Variants in ATP5PF observed in about 807,000 individuals in gnomAD.
ATP5PF encodes ATP synthase peripheral stalk subunit F6, mitochondrial.
A neutral mutation model predicts 12.0 loss-of-function variants in ATP5PF; 7 were observed. The observed-to-expected ratio is 0.58, with a 90% CI of 0.33 to 1.10. The LOEUF is 1.10. Among genes scored for constraint, ATP5PF ranks in the 50% least tolerant of loss-of-function variants. The pLI, the probability that ATP5PF is intolerant of heterozygous loss-of-function variation, is 0.03. For missense variants in ATP5PF, 120 were observed against 127.7 expected (o/e 0.94, Z 0.29); for synonymous variants, 41 against 45.4 (o/e 0.90, Z 0.39).
intron 2 of ATP5PF, among the ~76,000 whole-genome samples, chr21:25,727,963 A>T (rs1455306373): frequency 6.6e-6 from 1 of 152,106 alleles, no homozygotes; most frequent in East Asian, 1.9e-4. Context: ...TCTCCTCCTC[A>T]GTTTTGGCAA....
chr21:25,733,053 C>T (rs2034841979), intron 1 of ATP5PF, among the ~76,000 whole-genome samples: 1 of 149,814 alleles, frequency 6.7e-6, no homozygotes, highest in African/African-American at 2.5e-5. Context: ...TATGCTTCAC[C>T]TGACAGAATG....
At chr21:25,735,140 T>C, upstream of ATP5PF, 1 of 672,492 alleles carries the variant, frequency 1.5e-6, no homozygotes. Flanking sequence ...CCGTTCTTTT[T>C]CCCCTCCTTG....
intron 2 of ATP5PF, 24 bp downstream of exon 2, chr21:25,729,607 C>T (rs1345878464): frequency 6.4e-7 from 1 of 1,569,960 alleles, no homozygotes; most frequent in South Asian, 1.2e-5. Context: ...TTTATATTTA[C>T]ACTGTAGTTA....
chr21:25,731,587 C>T (rs538509878), intron 1 of ATP5PF, among the ~76,000 whole-genome samples: 1 of 148,948 alleles, frequency 6.7e-6, no homozygotes, highest in Non-Finnish European at 1.5e-5. Context: ...GAGACGAGGT[C>T]TTGCCATATT....
At chr21:25,735,018 C>A (rs546547593), upstream of ATP5PF, 4 of 1,520,884 alleles carry the variant, frequency 2.6e-6, no homozygotes, top group East Asian at 4.9e-5. Context: ...AGACAGTCTG[C>A]GACCGGACGG....
chr21:25,728,939 T>TA (rs2034685841), intron 2 of ATP5PF, among the ~76,000 whole-genome samples: 1 of 152,226 alleles, frequency 6.6e-6, no homozygotes, highest in African/African-American at 2.4e-5. Flanking sequence ...TTACACACAG[T>TA]AGACAACTAT....
chr21:25,726,715 TG>T (rs1400189963), intron 2 of ATP5PF, among the ~76,000 whole-genome samples: 1 of 152,218 alleles, frequency 6.6e-6, no homozygotes, highest in Non-Finnish European at 1.5e-5. Flanking sequence ...CAGGGCCAAC[TG>T]GGTCTCATTA....
At chr21:25,726,424 T>C (rs543847588) in intron 2 of ATP5PF, among the ~76,000 whole-genome samples, 22 of 152,224 alleles carry the variant, frequency 1.4e-4, no homozygotes, top group Non-Finnish European at 2.6e-4. Flanking sequence ...TCAGGGAAAA[T>C]TTCATTTTAA....
chr21:25,733,526 C>CA (rs1408831370), intron 1 of ATP5PF, among the ~76,000 whole-genome samples: 19 of 144,592 alleles, frequency 1.3e-4, no homozygotes, highest in Admixed American at 1.0e-3. Flanking sequence ...GACTCTGTCT[C>CA]AAAAAAAAAG....
chr21:25,734,277 T>C (rs1029696427), intron 1 of ATP5PF: 2 of 966,778 alleles, frequency 2.1e-6, no homozygotes, highest in African/African-American at 1.8e-5. Context: ...AACACTAGTC[T>C]GAGCAGAGGC....
At position 25,729,618 on chromosome 21, in the gene ATP5PF, T is replaced by C. The variant is rs746595654; in HGVS notation, c.164+13A>G. On this transcript the variant is annotated intron_variant, in intron 2 of 3. Coordinates refer to ENST00000284971, the MANE Select transcript of ATP5PF (RefSeq NM_001003703.2). ...AATATTTATATTTACACTGTAGTTA[T>C]TTATTCACTTACTGTCGCTTAGATT... The C allele has an allele frequency of 1.3e-6, 2 of 1,592,476 alleles. No individual in the cohort carries two copies. Among genetic ancestry groups the C allele is most frequent in the South Asian group, 1.1e-5 (1 of 88,620 alleles).
At position 25,726,783 on chromosome 21, in the gene ATP5PF, G is replaced by A. The variant is rs189069911; in HGVS notation, c.165-1433C>T. 1.1e-4 allele frequency among the ~76,000 whole-genome samples: 16 copies of A among 152,274 alleles called. No homozygotes were observed. The East Asian group carries it at 2.9e-3, about 28-fold the overall frequency. ...TAAATACTACTGCCTACCTAGCAAT[G>A]AACAATATTCTAAATGTAAAAAAAT... On this transcript the variant is annotated intron_variant, in intron 2 of 3. Transcript: ENST00000284971.
At position 25,732,985 on chromosome 21, in the gene ATP5PF, CAA is replaced by C. The variant is rs370858284; in HGVS notation, c.-8+1866_-8+1867del. On this transcript the variant is annotated intron_variant, in intron 1 of 3. Transcript: ENST00000284971. ...GGGCAACAAGAGTGAAACTCTGTCT[CAA>C]AAAAAAAAAAAAAAAAAAAAAAAAA... 9.6e-3 allele frequency among the ~76,000 whole-genome samples: 459 copies of C among 47,732 alleles called. 1 individual carries two copies. Among genetic ancestry groups the C allele is most frequent in the African/African-American group, 0.037 (439 of 11,900 alleles). 31.3% of individuals were successfully genotyped at this position (47,732 alleles called of 152,430 possible).
chr21:25,735,652 A>T (rs1328627733), upstream of ATP5PF: 1 of 151,418 alleles, frequency 6.6e-6, no homozygotes, highest in Non-Finnish European at 1.5e-5. Context: ...CTTTTCCCCC[A>T]CAAGGGCCCC....
At chr21:25,735,206 C>G (rs71649642), upstream of ATP5PF, 251 of 593,458 alleles carry the variant, frequency 4.2e-4, 1 homozygote, top group African/African-American at 4.2e-3. Context: ...AGTTCAAGCT[C>G]CCCTCCGAGT....
intron 1 of ATP5PF, 84 bp downstream of exon 1, chr21:25,734,769 G>A: frequency 3.0e-6 from 4 of 1,355,242 alleles, no homozygotes; most frequent in Non-Finnish European, 3.0e-6. Flanking sequence ...TCCTAGTAAA[G>A]GTGAGAGGCA....
intron 2 of ATP5PF, among the ~76,000 whole-genome samples, chr21:25,727,554 T>C (rs1349193245): frequency 2.0e-5 from 3 of 152,196 alleles, no homozygotes; most frequent in Admixed American, 6.5e-5. Flanking sequence ...TAGAGCTAAT[T>C]AGTGGCAGTG....
intron 2 of ATP5PF, among the ~76,000 whole-genome samples, 193 bp downstream of exon 2, chr21:25,729,438 T>C (rs916371745): frequency 1.3e-5 from 2 of 152,218 alleles, no homozygotes; most frequent in Non-Finnish European, 2.9e-5. Context: ...GTAACTCATA[T>C]AAAGATACAG....
At chr21:25,730,255 G>C (rs188311737) in intron 1 of ATP5PF, among the ~76,000 whole-genome samples, 91 of 152,262 alleles carry the variant, frequency 6.0e-4, no homozygotes, top group Non-Finnish European at 1.2e-3. Flanking sequence ...AAACTGCTCT[G>C]CCTGTTACAA....
Sources: gnomAD v4.1 joint callset for allele counts (sites outside exome capture counted in the v4.1 genomes callset) on GRCh38, gnomAD v4.1.1 for gene constraint, MANE v1.5 for transcripts, NCBI Gene and HGNC (gene_info 2026-07-23, HGNC 2026-07-21) for gene names.